The following HDAC9 variants were observed in gnomAD, a reference collection of about 807,000 sequenced individuals.
HDAC9 encodes histone deacetylase 9.
In HDAC9, 41 loss-of-function variants were observed where a neutral mutation model predicts 139.4. That is an observed-to-expected ratio of 0.29 (90% CI 0.23 to 0.38). The LOEUF is 0.38. Ranked by LOEUF, HDAC9 falls within the 10% of genes least tolerant of loss-of-function variation. HDAC9 has a pLI of 1.00. For synonymous variants in HDAC9, 517 were observed against 476.2 expected, an observed-to-expected ratio of 1.09 and a Z score of -1.12; for missense variants, 1,147 against 1,297.0, an observed-to-expected ratio of 0.88 and a Z score of 1.78.
intron 2 of HDAC9, among the ~76,000 whole-genome samples, chr7:18,204,090 C>CA (rs1791325412): frequency 6.6e-6 from 1 of 151,956 alleles, no homozygotes; most frequent in African/African-American, 2.4e-5. Context: ...GTCAGAGAAA[C>CA]AAAGAGGGAC....
At chr7:18,437,003 C>G (rs1023037000) in intron 1 of HDAC9, among the ~76,000 whole-genome samples, 2 of 151,996 alleles carry the variant, frequency 1.3e-5, no homozygotes, top group African/African-American at 4.8e-5. Context: ...GACTGTCTTC[C>G]CATGGGACTG....
At chr7:18,109,036 A>G (rs1038697202) in intron 1 of HDAC9, among the ~76,000 whole-genome samples, 7 of 152,200 alleles carry the variant, frequency 4.6e-5, no homozygotes, top group Non-Finnish European at 1.5e-5. Flanking sequence ...AAGTTTCATG[A>G]AAGGAATAAG....
chr7:18,800,609 G>C (rs1181557891), intron 17 of HDAC9, among the ~76,000 whole-genome samples: 5 of 152,138 alleles, frequency 3.3e-5, no homozygotes, highest in Non-Finnish European at 1.5e-5. Flanking sequence ...GAAGTGGGTG[G>C]ATTACTTGAG....
At chr7:18,146,411 G>C (rs1786332116) in intron 1 of HDAC9, among the ~76,000 whole-genome samples, 1 of 152,084 alleles carries the variant, frequency 6.6e-6, no homozygotes, top group Admixed American at 6.6e-5. Context: ...GCTCAGGCTT[G>C]GCTTGGTCAG....
chr7:18,639,902 G>T (rs1201184320), intron 8 of HDAC9, among the ~76,000 whole-genome samples: 1 of 151,908 alleles, frequency 6.6e-6, no homozygotes, highest in African/African-American at 2.4e-5. Context: ...GCTGCCCAGG[G>T]TTACAAGCTA....
chr7:18,593,803 A>G, intron 5 of HDAC9, 105 bp from the exon 6 acceptor site: 4 of 1,214,112 alleles, frequency 3.3e-6, no homozygotes, highest in Non-Finnish European at 4.8e-6. Context: ...GAGAAAGAGC[A>G]TAAACATAGC....
intron 1 of HDAC9, among the ~76,000 whole-genome samples, chr7:18,335,646 G>A (rs925045386): frequency 6.6e-6 from 1 of 151,576 alleles, no homozygotes; most frequent in East Asian, 1.9e-4. Flanking sequence ...TTATTCTCAG[G>A]TAAAGGGTGG....
intron 8 of HDAC9, among the ~76,000 whole-genome samples, chr7:18,639,059 T>C (rs774685823): frequency 5.3e-5 from 8 of 152,122 alleles, no homozygotes; most frequent in Non-Finnish European, 8.8e-5. Context: ...TGAACATTAG[T>C]GGCTGTCTCT....
chr7:18,139,912 C>T (rs1007917269), intron 1 of HDAC9, among the ~76,000 whole-genome samples: 20 of 152,278 alleles, frequency 1.3e-4, no homozygotes, highest in African/African-American at 4.3e-4. Context: ...AGAACAGCCC[C>T]GCCAACACCT....
intron 1 of HDAC9, among the ~76,000 whole-genome samples, chr7:18,312,764 G>C (rs1215338307): frequency 6.6e-6 from 1 of 152,120 alleles, no homozygotes; most frequent in Non-Finnish European, 1.5e-5. Context: ...TTTTTAGCTT[G>C]TGAACAGTAA....
At chr7:18,771,774 T>C (rs1485919718) in intron 16 of HDAC9, among the ~76,000 whole-genome samples, 4 of 152,130 alleles carry the variant, frequency 2.6e-5, no homozygotes, top group Non-Finnish European at 5.9e-5. Flanking sequence ...TACTAGGGAA[T>C]GGATTTTGTT....
At chr7:18,793,967 T>G (rs1792558394) in intron 17 of HDAC9, among the ~76,000 whole-genome samples, 1 of 152,192 alleles carries the variant, frequency 6.6e-6, no homozygotes. Flanking sequence ...AAAAATGAGC[T>G]ATGCTTTATT....
Position 18,904,603 on chromosome 7 carries a change from G to A in HDAC9, c.2803+30007G>A, listed in dbSNP as rs181157868. On this transcript the variant is annotated intron_variant, in intron 22 of 25. Transcript: ENST00000686413. ...TTTTTTTTTTTTTTTTTTTTTAGAT[G>A]GAGTCTCGCTGTCTCCCAGGCTGAA... Among the ~76,000 whole-genome samples, 67 of 121,470 alleles carry A rather than the reference G, an allele frequency of 5.5e-4. 1 individual carries two copies. In the East Asian group the frequency reaches 0.015, roughly 26 times the overall value. 79.7% of individuals were successfully genotyped at this position (121,470 alleles called of 152,430 possible). A position where few individuals can be genotyped will look rare whatever the true frequency, so the allele number is the denominator to read the frequency against.
chr7:18,575,834 TATTC>T (rs143901359), intron 2 of HDAC9, among the ~76,000 whole-genome samples: 6 of 152,268 alleles, frequency 3.9e-5, no homozygotes, highest in African/African-American at 7.2e-5. Flanking sequence ...TTGTGACTAT[TATTC>T]ATTCATTCAT....
At chr7:18,500,646 T>C (rs1415382265) in intron 2 of HDAC9, among the ~76,000 whole-genome samples, 3 of 152,052 alleles carry the variant, frequency 2.0e-5, no homozygotes, top group African/African-American at 4.8e-5. Flanking sequence ...GGCTGAGAAA[T>C]AGTAGAAATG....
intron 19 of HDAC9, among the ~76,000 whole-genome samples, chr7:18,833,372 T>C (rs1021024369): frequency 2.0e-5 from 3 of 152,208 alleles, no homozygotes; most frequent in Admixed American, 1.3e-4. Context: ...ACAAAAGTAA[T>C]CAAAGCAATA....
chr7:18,574,882 C>G (rs1188067131), intron 2 of HDAC9, among the ~76,000 whole-genome samples: 1 of 152,232 alleles, frequency 6.6e-6, no homozygotes, highest in African/African-American at 2.4e-5. Flanking sequence ...AGAGGACCTA[C>G]CAGGTCCCCG....
At chr7:18,327,626 GT>G (rs1305993322) in intron 1 of HDAC9, 2 of 151,918 alleles carry the variant, frequency 1.3e-5, no homozygotes, top group East Asian at 3.9e-4. Flanking sequence ...TGAGGAACTT[GT>G]TTTTATATCT....
upstream of HDAC9, among the ~76,000 whole-genome samples, chr7:18,491,848 C>A (rs1341901614): frequency 6.6e-6 from 1 of 151,866 alleles, no homozygotes; most frequent in Non-Finnish European, 1.5e-5. Context: ...GAGGGGAGAT[C>A]TTCTTCACCT....
Sources: gnomAD v4.1 joint callset for allele counts (sites outside exome capture counted in the v4.1 genomes callset) on GRCh38, gnomAD v4.1.1 for gene constraint, MANE v1.5 for transcripts, NCBI Gene and HGNC (gene_info 2026-07-23, HGNC 2026-07-21) for gene names.